The following CFAP77 variants were observed in gnomAD, a reference collection of about 807,000 sequenced individuals.
CFAP77 encodes the protein cilia- and flagella-associated protein 77.
A neutral mutation model predicts 31.1 loss-of-function variants in CFAP77; 25 were observed. That is an observed-to-expected ratio of 0.80 (90% CI 0.59 to 1.12). CFAP77 has a LOEUF of 1.12. Among genes scored for constraint, CFAP77 ranks in the 50% most tolerant of loss-of-function variants. The pLI is 0.00. For synonymous variants in CFAP77, 151 were observed against 159.9 expected, an observed-to-expected ratio of 0.94 and a Z score of 0.42; for missense variants, 377 against 397.3, an observed-to-expected ratio of 0.95 and a Z score of 0.44.
intron 3 of CFAP77, among the ~76,000 whole-genome samples, chr9:132,531,503 T>C (rs543020129): frequency 6.6e-6 from 1 of 151,756 alleles, no homozygotes; most frequent in South Asian, 2.1e-4. Flanking sequence ...GAAAGAGGAT[T>C]CCAGGGCTTG....
chr9:132,458,357 G>GGGGGGGT lies in CFAP77; in HGVS notation c.196-40337_196-40336insGGGGGTG, dbSNP rs139008147. On this transcript the variant is annotated intron_variant, in intron 1 of 5. Coordinates refer to ENST00000393216, the MANE Select transcript of CFAP77 (RefSeq NM_001282957.2). ...GTCTCCCTGGCGGGGGAGGGGGGGGGGTGTGTATGGAAGGCTCAGCTCATC... is the reference window on the plus strand; with the variant it reads ...GTCTCCCTGGCGGGGGAGGGGGGGGGGGGGGGTGTGTGTATGGAAGGCTCAGCTCATC... Among the ~76,000 whole-genome samples, 165 of 118,892 alleles carry GGGGGGGT rather than the reference G, an allele frequency of 1.4e-3. 1 individual carries two copies. Among genetic ancestry groups the GGGGGGGT allele is most frequent in the South Asian group, 2.2e-3 (8 of 3,640 alleles). The allele number at this position is 118,892 out of a possible 152,430, so 78.0% of individuals were successfully genotyped here.
chr9:132,460,414 G>A (rs2131724887), intron 1 of CFAP77, among the ~76,000 whole-genome samples: 1 of 152,246 alleles, frequency 6.6e-6, no homozygotes, highest in Non-Finnish European at 1.5e-5. Flanking sequence ...TCCATATGGT[G>A]GAATATTACT....
intron 3 of CFAP77, among the ~76,000 whole-genome samples, chr9:132,525,840 C>CT (rs1286651015): frequency 6.6e-6 from 1 of 152,096 alleles, no homozygotes; most frequent in African/African-American, 2.4e-5. Flanking sequence ...TGAGGTTGGC[C>CT]TTTTTTGCTC....
intron 3 of CFAP77, among the ~76,000 whole-genome samples, chr9:132,531,529 G>A (rs984996921): frequency 6.6e-6 from 1 of 151,576 alleles, no homozygotes. Context: ...CGAGGTGGGG[G>A]ATGGCATGAA....
chr9:132,458,149 C>T (rs1387672815), intron 1 of CFAP77, among the ~76,000 whole-genome samples: 3 of 152,124 alleles, frequency 2.0e-5, no homozygotes, highest in Non-Finnish European at 2.9e-5. Context: ...AGATCCGGGG[C>T]GAAGGAATGA....
chr9:132,541,426 A>C (rs1852639626), intron 4 of CFAP77, among the ~76,000 whole-genome samples: 1 of 152,230 alleles, frequency 6.6e-6, no homozygotes, highest in South Asian at 2.1e-4. Flanking sequence ...AGATAGTTTC[A>C]AAACCTTCTA....
At chr9:132,473,492 G>A (rs1324558035) in intron 1 of CFAP77, among the ~76,000 whole-genome samples, 1 of 152,188 alleles carries the variant, frequency 6.6e-6, no homozygotes, top group Non-Finnish European at 1.5e-5. Flanking sequence ...GCAAGTTGTA[G>A]TTCTCAAGTC....
At chr9:132,459,403 G>A (rs1393511053) in intron 1 of CFAP77, among the ~76,000 whole-genome samples, 2 of 151,658 alleles carry the variant, frequency 1.3e-5, no homozygotes, top group Admixed American at 6.6e-5. Context: ...TGCACCTAAT[G>A]TGGCCTGGAT....
At chr9:132,496,652 C>G (rs528553015) in intron 1 of CFAP77, among the ~76,000 whole-genome samples, 1 of 152,218 alleles carries the variant, frequency 6.6e-6, no homozygotes, top group African/African-American at 2.4e-5. Context: ...TCCATGCTAC[C>G]GCGGGTACAA....
chr9:132,558,423 A>G (rs1441013140), intron 5 of CFAP77, among the ~76,000 whole-genome samples: 1 of 152,228 alleles, frequency 6.6e-6, no homozygotes, highest in African/African-American at 2.4e-5. Flanking sequence ...CAGTAATAAA[A>G]TCCAGGTGTG....
Position 132,498,688 on chromosome 9 carries a change from C to A in CFAP77, c.196-7C>A, listed in dbSNP as rs1322097958. 4 of 1,607,072 alleles carry A rather than the reference C, an allele frequency of 2.5e-6. No homozygotes were observed. Among genetic ancestry groups the A allele is most frequent in the Non-Finnish European group, 2.6e-6 (3 of 1,175,704 alleles). On this transcript the variant is annotated splice_region_variant and splice_polypyrimidine_tract_variant and intron_variant, in intron 1 of 5. Coordinates refer to ENST00000393216, the MANE Select transcript of CFAP77 (RefSeq NM_001282957.2). This position sits in a 1 kb window ranked among gnomAD's most constrained non-coding sequence, Gnocchi z 4.2. The stretch of plus-strand genomic sequence containing the variant: ...CTCACCTCTGCTCTCTGTCCTTCCC[C>A]CGACAGGCTGAACTCGGCAAGCCCC...
intron 1 of CFAP77, among the ~76,000 whole-genome samples, chr9:132,437,834 AC>A (rs1180313863): frequency 2.6e-5 from 4 of 151,280 alleles, no homozygotes; most frequent in African/African-American, 9.7e-5. Flanking sequence ...TAGAGAGATC[AC>A]CCCGGGTGTG....
At chr9:132,438,539 A>G (rs375888085) in intron 1 of CFAP77, among the ~76,000 whole-genome samples, 2 of 115,448 alleles carry the variant, frequency 1.7e-5, no homozygotes, top group East Asian at 2.3e-4. Flanking sequence ...ATATATATAT[A>G]TATTTTTTTT....
chr9:132,442,683 G>T (rs781599357), intron 1 of CFAP77, among the ~76,000 whole-genome samples: 1 of 150,714 alleles, frequency 6.6e-6, no homozygotes, highest in Non-Finnish European at 1.5e-5. Context: ...GGCAAAATTC[G>T]CATGATATTC....
At chr9:132,533,978 T>C (rs1002918587) in intron 3 of CFAP77, among the ~76,000 whole-genome samples, 1 of 152,206 alleles carries the variant, frequency 6.6e-6, no homozygotes, top group Non-Finnish European at 1.5e-5. Flanking sequence ...TCCCCGAACA[T>C]GTTTGGTAGG....
intron 3 of CFAP77, among the ~76,000 whole-genome samples, chr9:132,530,136 C>CTTTTTTT (rs750962954): frequency 5.0e-3 from 462 of 93,126 alleles, no homozygotes; most frequent in African/African-American, 6.3e-3. Flanking sequence ...TCTTTCTTTT[C>CTTTTTTT]TTTTTTTTTT....
At chr9:132,529,864 T>G (rs912488971) in intron 3 of CFAP77, among the ~76,000 whole-genome samples, 7 of 151,432 alleles carry the variant, frequency 4.6e-5, no homozygotes, top group African/African-American at 1.7e-4. Flanking sequence ...AAAAAGAAAC[T>G]GCCAAACAGT....
In CFAP77 at chr9:132,561,604, TACACACACACACACACACACAC is replaced by T. The variant is rs61039438; in HGVS notation, c.733-10747_733-10726del. On this transcript the variant is annotated intron_variant, in intron 5 of 5. Transcript: ENST00000393216. ...TTTCTTCTGGCCATTGAGGTGCATG[TACACACACACACACACACACAC>T]ACACACACACACACACACACACACA... Among the ~76,000 whole-genome samples the T allele has an allele frequency of 1.2e-3, 132 of 111,582 alleles. 1 individual carries two copies. The highest frequency in any genetic ancestry group is 6.5e-3 in the East Asian group (25 of 3,832). 73.2% of individuals were successfully genotyped at this position (111,582 alleles called of 152,430 possible).
chr9:132,543,942 G>A (rs932247274), intron 5 of CFAP77, among the ~76,000 whole-genome samples: 4 of 152,214 alleles, frequency 2.6e-5, no homozygotes, highest in African/African-American at 4.8e-5. Flanking sequence ...TGGGGCCGGG[G>A]GAGGTGCGTG....
Sources: allele counts gnomAD v4.1 joint callset (sites outside exome capture counted in the v4.1 genomes callset), GRCh38; gene constraint gnomAD v4.1.1; non-coding constraint Gnocchi (gnomAD v3.1); transcripts MANE v1.5; gene names NCBI Gene and HGNC (gene_info 2026-07-23, HGNC 2026-07-21).